ZFPM2: variants seen among roughly 807,000 people sequenced by gnomAD.
ZFPM2 encodes the protein zinc finger protein ZFPM2.
Under a neutral mutation model 98.6 loss-of-function variants are expected in ZFPM2, and 20 were observed. The ratio of observed to expected loss-of-function variants is 0.20; its 90% CI spans 0.14 to 0.29. The LOEUF is 0.29. ZFPM2 is among the 10% of genes least tolerant of loss of function. The probability of loss-of-function intolerance (pLI) is 1.00; values close to 1 mark genes in which losing one functional copy is unlikely to be tolerated. For synonymous variants in ZFPM2, 518 were observed against 502.7 expected (o/e 1.03, Z -0.41); for missense variants, 1,310 against 1,388.6 (o/e 0.94, Z 0.90).
intron 3 of ZFPM2, among the ~76,000 whole-genome samples, chr8:105,470,274 T>G (rs1442270703): frequency 1.3e-5 from 2 of 152,190 alleles, no homozygotes; most frequent in African/African-American, 2.4e-5. Flanking sequence ...CCGAACTTAT[T>G]TCACATCTTG....
chr8:105,690,370 A>G (rs1810848646), intron 5 of ZFPM2, among the ~76,000 whole-genome samples: 1 of 152,212 alleles, frequency 6.6e-6, no homozygotes, highest in Non-Finnish European at 1.5e-5. Context: ...ACAATTGAGG[A>G]AACAGATTTA....
At position 105,430,986 on chromosome 8, in the gene ZFPM2, C is replaced by A. The variant is rs1337956793; in HGVS notation, c.199+11684C>A. Among the ~76,000 whole-genome samples the A allele has an allele frequency of 4.0e-5, 6 of 151,326 alleles. No individual in the cohort carries two copies. The East Asian group carries it at 1.2e-3, about 29-fold the overall frequency. ...TGGAGCGATCTCGGCTCAGTGCAAC[C>A]TCTGTCTCACGAGTTCAAGCGATTC... is the stretch of plus-strand genomic sequence containing the variant. On this transcript the variant is annotated intron_variant, in intron 2 of 7. Coordinates refer to ENST00000407775, the MANE Select transcript of ZFPM2 (RefSeq NM_012082.4).
At chr8:105,452,182 C>G (rs1436707635) in intron 3 of ZFPM2, among the ~76,000 whole-genome samples, 2 of 152,114 alleles carry the variant, frequency 1.3e-5, no homozygotes, top group East Asian at 3.9e-4. Flanking sequence ...ATATAAAATT[C>G]TAGACCCTAT....
chr8:105,338,810 A>G (rs1812371406), intron 1 of ZFPM2, among the ~76,000 whole-genome samples: 1 of 151,944 alleles, frequency 6.6e-6, no homozygotes, highest in African/African-American at 2.4e-5. Flanking sequence ...TATTGAATAT[A>G]CTGGTAGGAC....
At chr8:105,619,998 G>A (rs1443595570) in intron 4 of ZFPM2, among the ~76,000 whole-genome samples, 1 of 152,116 alleles carries the variant, frequency 6.6e-6, no homozygotes, top group Non-Finnish European at 1.5e-5. Flanking sequence ...ATATACGTGT[G>A]CATGTGTCTT....
chr8:105,484,221 A>G (rs894087238), intron 3 of ZFPM2, among the ~76,000 whole-genome samples: 1 of 152,042 alleles, frequency 6.6e-6, no homozygotes, highest in African/African-American at 2.4e-5. Context: ...TCTTCACTAT[A>G]TTCTTTTCTT....
At chr8:105,673,008 T>G (rs375620283) in intron 5 of ZFPM2, among the ~76,000 whole-genome samples, 8 of 152,054 alleles carry the variant, frequency 5.3e-5, no homozygotes, top group African/African-American at 1.9e-4. Context: ...AACGCTTTAC[T>G]TGGAATGAAA....
intron 1 of ZFPM2, among the ~76,000 whole-genome samples, chr8:105,371,687 C>T (rs776162040): frequency 1.1e-4 from 16 of 152,044 alleles, no homozygotes. Context: ...AATTAAAATA[C>T]AAATTATTTG....
At chr8:105,691,133 C>G (rs6998273) in intron 5 of ZFPM2, among the ~76,000 whole-genome samples, 64,858 of 151,168 alleles carry the variant, frequency 0.43, 14,617 homozygotes, top group African/African-American at 0.59. Flanking sequence ...GCTTATTCCT[C>G]TTTCCTTAAT....
intron 1 of ZFPM2, among the ~76,000 whole-genome samples, chr8:105,408,942 T>G (rs1463134392): frequency 7.9e-5 from 12 of 151,934 alleles, no homozygotes; most frequent in Non-Finnish European, 1.5e-5. Context: ...GAAGGCTGGC[T>G]ATGTTGCTGT....
chr8:105,729,357 G>A (rs1192649763), intron 5 of ZFPM2, among the ~76,000 whole-genome samples: 1 of 151,362 alleles, frequency 6.6e-6, no homozygotes, highest in Non-Finnish European at 1.5e-5. Flanking sequence ...CATTGTAAAG[G>A]ATTTCATTGT....
intron 1 of ZFPM2, among the ~76,000 whole-genome samples, chr8:105,353,308 A>G (rs1812683744): frequency 6.6e-6 from 1 of 152,102 alleles, no homozygotes; most frequent in African/African-American, 2.4e-5. Context: ...TCCCCCTAGT[A>G]GAGAGTCCTT....
intron 1 of ZFPM2, chr8:105,418,802 TAG>T (rs1563649795): frequency 1.9e-6 from 1 of 517,136 alleles, no homozygotes; most frequent in Non-Finnish European, 3.8e-6. Context: ...CTTTACCAGA[TAG>T]TTAATTCTAA....
chr8:105,501,185 T>TC (rs1491251492), intron 3 of ZFPM2, among the ~76,000 whole-genome samples: 1 of 69,802 alleles, frequency 1.4e-5, no homozygotes, highest in African/African-American at 6.6e-5. Flanking sequence ...TACTTTTCTC[T>TC]TTTTTTTTTT....
At chr8:105,459,485 A>G (rs2130294719) in intron 3 of ZFPM2, among the ~76,000 whole-genome samples, 1 of 152,282 alleles carries the variant, frequency 6.6e-6, no homozygotes, top group East Asian at 1.9e-4. Flanking sequence ...TGGGGTATGT[A>G]TTGGCCTGCT....
At chr8:105,743,291 G>A (rs1812263899) in intron 5 of ZFPM2, among the ~76,000 whole-genome samples, 1 of 152,180 alleles carries the variant, frequency 6.6e-6, no homozygotes, top group Non-Finnish European at 1.5e-5. Context: ...TGGAGAATGG[G>A]AGAGAGAATT....
In ZFPM2 at chr8:105,584,692, C is replaced by G. The variant is rs543724063; in HGVS notation, c.420+23211C>G. On this transcript the variant is annotated intron_variant, in intron 4 of 7. Transcript: ENST00000407775. ...TCCAACTTGGCAAATAGTAGCAACC[C>G]TTATCATGTGGAGGCCTGATAAAAC... is the stretch of plus-strand genomic sequence containing the variant. 1.4e-4 allele frequency among the ~76,000 whole-genome samples: 21 copies of G among 152,246 alleles called. No individual in the cohort carries two copies. The South Asian group carries it at 4.4e-3, about 32-fold the overall frequency.
intron 4 of ZFPM2, among the ~76,000 whole-genome samples, chr8:105,571,549 T>C (rs1260362829): frequency 2.0e-5 from 3 of 152,216 alleles, no homozygotes; most frequent in African/African-American, 7.2e-5. Flanking sequence ...ATTCTTTCTA[T>C]TTGATGTTTT....
chr8:105,616,502 C>T (rs1816417296), intron 4 of ZFPM2, among the ~76,000 whole-genome samples: 1 of 151,924 alleles, frequency 6.6e-6, no homozygotes, highest in Non-Finnish European at 1.5e-5. Context: ...AATAAATAGG[C>T]ATAGGTCTTT....
Sources: gnomAD v4.1 joint callset for allele counts (sites outside exome capture counted in the v4.1 genomes callset) on GRCh38, gnomAD v4.1.1 for gene constraint, MANE v1.5 for transcripts, NCBI Gene and HGNC (gene_info 2026-07-23, HGNC 2026-07-21) for gene names.